The following L3MBTL4 variants were observed in gnomAD, a reference collection of about 807,000 sequenced individuals.
The protein encoded by L3MBTL4 is L3MBTL histone methyl-lysine binding protein 4.
L3MBTL4 carries 70 observed loss-of-function variants against 84.5 expected under a neutral mutation model. The observed-to-expected ratio is 0.83, with a 90% CI of 0.68 to 1.01. The LOEUF is 1.01. Ranked by LOEUF, L3MBTL4 falls within the 50% of genes least tolerant of loss-of-function variation. The probability of loss-of-function intolerance (pLI) is 0.00; values close to 1 mark genes in which losing one functional copy is unlikely to be tolerated. For synonymous variants in L3MBTL4, 274 were observed against 259.8 expected (o/e 1.05, Z -0.52); for missense variants, 715 against 754.8 (o/e 0.95, Z 0.62).
intron 13 of L3MBTL4, among the ~76,000 whole-genome samples, chr18:6,150,898 T>C (rs1424414337): frequency 2.0e-5 from 3 of 152,212 alleles, no homozygotes; most frequent in East Asian, 1.9e-4. Flanking sequence ...AAAGCTCCCA[T>C]GATACAGTCT....
At chr18:6,395,988 A>C (rs913803299) in intron 1 of L3MBTL4, 1 of 152,136 alleles carries the variant, frequency 6.6e-6, no homozygotes, top group African/African-American at 2.4e-5. Flanking sequence ...TCCAGGGTTA[A>C]AAAAAATCTA....
At chr18:6,271,106 C>T (rs1272943050) in intron 4 of L3MBTL4, among the ~76,000 whole-genome samples, 1 of 152,112 alleles carries the variant, frequency 6.6e-6, no homozygotes, top group East Asian at 1.9e-4. Flanking sequence ...TAGACCGCAG[C>T]AGTGGTTTGG....
intron 16 of L3MBTL4, chr18:6,031,246 A>G: frequency 1.0e-6 from 1 of 985,420 alleles, no homozygotes; most frequent in South Asian, 4.7e-5. Flanking sequence ...TTGTGAGCTG[A>G]TATATCTTCT....
chr18:5,971,355 A>G (rs2052633971), intron 16 of L3MBTL4, among the ~76,000 whole-genome samples: 1 of 152,220 alleles, frequency 6.6e-6, no homozygotes. Flanking sequence ...CTTAGGGATT[A>G]AGACCTGGGC....
intron 18 of L3MBTL4, among the ~76,000 whole-genome samples, chr18:5,957,856 C>A (rs1260397701): frequency 3.3e-5 from 5 of 151,300 alleles, no homozygotes; most frequent in South Asian, 2.1e-4. Context: ...GTAGTCCCAG[C>A]TACTCAGGCA....
At position 6,046,671 on chromosome 18, in the gene L3MBTL4, C is replaced by G. The variant is rs2056632798; in HGVS notation, c.1444+34210G>C. On this transcript the variant is annotated intron_variant, in intron 16 of 18. Transcript: ENST00000317931. Reference sequence around the variant, plus strand: ...AATGACTTTTAGGTAAATAACAAAACTAAGGCAGAAGTAAAAAAAAGTCTT... The same window carrying G: ...AATGACTTTTAGGTAAATAACAAAAGTAAGGCAGAAGTAAAAAAAAGTCTT... 4.1e-6 allele frequency: 3 copies of G among 738,842 alleles called. No individual in the cohort carries two copies. In the East Asian group the frequency reaches 7.4e-5, roughly 18 times the overall value. The allele number at this position is 738,842 out of a possible 1,614,324, so 45.8% of individuals were successfully genotyped here.
chr18:6,300,790 A>T (rs75369626), intron 4 of L3MBTL4, among the ~76,000 whole-genome samples: 2 of 152,200 alleles, frequency 1.3e-5, no homozygotes, highest in African/African-American at 4.8e-5. Context: ...GAAGAAAAAA[A>T]TTGTTTTAAA....
chr18:6,121,260 A>C (rs1036838464), intron 14 of L3MBTL4, among the ~76,000 whole-genome samples: 20 of 152,334 alleles, frequency 1.3e-4, no homozygotes, highest in African/African-American at 4.6e-4. Flanking sequence ...GCAATCCTAA[A>C]TCACCCTCCA....
chr18:6,261,591 C>T (rs1196998406), intron 5 of L3MBTL4, among the ~76,000 whole-genome samples: 1 of 152,188 alleles, frequency 6.6e-6, no homozygotes, highest in Non-Finnish European at 1.5e-5. Flanking sequence ...TCTATAAAGT[C>T]AAGGGGGAAA....
chr18:6,257,120 C>A (rs1361188451), intron 5 of L3MBTL4, among the ~76,000 whole-genome samples: 2 of 152,112 alleles, frequency 1.3e-5, no homozygotes, highest in Admixed American at 6.5e-5. Flanking sequence ...AGGAAAATCC[C>A]TGAGAAGTAG....
intron 1 of L3MBTL4, among the ~76,000 whole-genome samples, chr18:6,353,002 T>G (rs2053269567): frequency 6.6e-6 from 1 of 152,228 alleles, no homozygotes; most frequent in African/African-American, 2.4e-5. Context: ...AACAAAATTA[T>G]AGTTTTTCAA....
At chr18:6,407,030 C>G (rs914802843) in intron 1 of L3MBTL4, among the ~76,000 whole-genome samples, 5 of 152,230 alleles carry the variant, frequency 3.3e-5, no homozygotes, top group Non-Finnish European at 7.3e-5. Context: ...GTACCCTTCA[C>G]AGCTTCCTTT....
At chr18:6,036,010 T>A (rs527353894) in intron 16 of L3MBTL4, among the ~76,000 whole-genome samples, 2 of 152,358 alleles carry the variant, frequency 1.3e-5, no homozygotes, top group South Asian at 4.1e-4. Context: ...TTGTGTTTTT[T>A]AGTACTGAAT....
At chr18:6,208,452 G>A (rs2045964035) in intron 12 of L3MBTL4, among the ~76,000 whole-genome samples, 1 of 152,182 alleles carries the variant, frequency 6.6e-6, no homozygotes. Flanking sequence ...ACTTGTTGAA[G>A]AGACTCAATT....
chr18:6,315,744 C>T (rs1448711251), intron 1 of L3MBTL4, among the ~76,000 whole-genome samples: 2 of 152,220 alleles, frequency 1.3e-5, no homozygotes, highest in African/African-American at 2.4e-5. Context: ...TGACACCAAA[C>T]GTCCTGTGGG....
intron 16 of L3MBTL4, among the ~76,000 whole-genome samples, chr18:6,063,299 C>CTCTGTGTGTG (rs1355960424): frequency 7.1e-6 from 1 of 141,142 alleles, no homozygotes; most frequent in African/African-American, 2.7e-5. Context: ...CTATAAATAT[C>CTCTGTGTGTG]TGTGTGTGTG....
At chr18:6,030,649 C>T (rs1044530518) in intron 16 of L3MBTL4, 3 of 900,962 alleles carry the variant, frequency 3.3e-6, no homozygotes, top group Admixed American at 6.2e-5. Context: ...CAGGTGCCTG[C>T]CACCACACCC....
chr18:6,396,742 T>C (rs1441147689), intron 1 of L3MBTL4: 1 of 152,242 alleles, frequency 6.6e-6, no homozygotes, highest in African/African-American at 2.4e-5. Flanking sequence ...TAAAAGTGTT[T>C]CTAACAACTG....
At chr18:6,402,724 A>T (rs2055563151) in intron 1 of L3MBTL4, among the ~76,000 whole-genome samples, 1 of 152,240 alleles carries the variant, frequency 6.6e-6, no homozygotes, top group Admixed American at 6.5e-5. Context: ...ATATCCATTC[A>T]TATTTTCATT....
Sources: allele counts gnomAD v4.1 joint callset (sites outside exome capture counted in the v4.1 genomes callset), GRCh38; gene constraint gnomAD v4.1.1; transcripts MANE v1.5; gene names NCBI Gene and HGNC (gene_info 2026-07-23, HGNC 2026-07-21).